HHAT: variants seen among roughly 807,000 people sequenced by gnomAD.
The protein encoded by HHAT is protein-cysteine N-palmitoyltransferase HHAT.
HHAT carries 47 observed loss-of-function variants against 70.8 expected under a neutral mutation model. The ratio of observed to expected loss-of-function variants is 0.66; its 90% CI spans 0.53 to 0.85. The LOEUF (loss-of-function observed/expected upper bound fraction) is 0.85. Among genes scored for constraint, HHAT ranks in the 40% least tolerant of loss-of-function variants. The pLI is 0.00. For synonymous variants in HHAT, 228 were observed against 247.6 expected (o/e 0.92, Z 0.74); for missense variants, 609 against 604.8 (o/e 1.01, Z -0.07).
At chr1:210,606,172 T>G (rs1253966358) in intron 10 of HHAT, among the ~76,000 whole-genome samples, 1 of 152,188 alleles carries the variant, frequency 6.6e-6, no homozygotes, top group Non-Finnish European at 1.5e-5. Flanking sequence ...TTTCTTCATT[T>G]ATGAATTGTA....
rs1351877180 is a variant in HHAT at position 210,344,910 on chromosome 1, CCGGCA to C, written c.-43-4022_-43-4018del. 5.7e-4 allele frequency among the ~76,000 whole-genome samples: 7 copies of C among 12,228 alleles called. No homozygotes were observed. The African/African-American group carries it at 5.9e-3, about 10-fold the overall frequency. 8.0% of individuals were successfully genotyped at this position (12,228 alleles called of 152,430 possible). ...AGACGAGTCATCGGAACAAGTCATG[CCGGCA>C]TCGGAACAAGTCATGCCGGCCTGCA... On this transcript the variant is annotated intron_variant, in intron 1 of 11. Transcript: ENST00000261458.
At chr1:210,460,551 A>G (rs982426341) in intron 7 of HHAT, among the ~76,000 whole-genome samples, 2 of 152,074 alleles carry the variant, frequency 1.3e-5, no homozygotes, top group Non-Finnish European at 2.9e-5. Context: ...CTCATTCCTA[A>G]TTTACATTCT....
intron 11 of HHAT, among the ~76,000 whole-genome samples, chr1:210,630,362 G>A (rs1182101174): frequency 2.0e-5 from 3 of 152,144 alleles, no homozygotes; most frequent in Non-Finnish European, 2.9e-5. Flanking sequence ...CAATTGCTAT[G>A]GTGCAGAACA....
At chr1:210,494,459 A>T (rs561157064) in intron 8 of HHAT, among the ~76,000 whole-genome samples, 1 of 146,390 alleles carries the variant, frequency 6.8e-6, no homozygotes, top group South Asian at 2.3e-4. Context: ...CGCTGGTAGG[A>T]TGGAGTTGCC....
chr1:210,436,672 C>A (rs2093383773), intron 7 of HHAT, among the ~76,000 whole-genome samples: 1 of 151,770 alleles, frequency 6.6e-6, no homozygotes, highest in African/African-American at 2.4e-5. Context: ...TAAGCCATTG[C>A]AAGTCCTGCT....
chr1:210,516,621 A>T (rs1049242837), intron 9 of HHAT, among the ~76,000 whole-genome samples: 1 of 152,178 alleles, frequency 6.6e-6, no homozygotes, highest in Non-Finnish European at 1.5e-5. Flanking sequence ...CAAATGTGGG[A>T]GAAATTGTCA....
chr1:210,340,214 C>A (rs1215370587), intron 1 of HHAT, among the ~76,000 whole-genome samples: 1 of 124,224 alleles, frequency 8.0e-6, no homozygotes, highest in East Asian at 2.7e-4. Flanking sequence ...ACACTCCGGC[C>A]TGGGGGATAG....
At chr1:210,630,082 C>T (rs911978874) in intron 11 of HHAT, among the ~76,000 whole-genome samples, 4 of 152,168 alleles carry the variant, frequency 2.6e-5, no homozygotes, top group Non-Finnish European at 5.9e-5. Flanking sequence ...ACCTCATGAT[C>T]TGCCCAACTC....
At chr1:210,466,534 A>G (rs1489622806) in intron 8 of HHAT, among the ~76,000 whole-genome samples, 4 of 152,236 alleles carry the variant, frequency 2.6e-5, no homozygotes, top group Non-Finnish European at 5.9e-5. Context: ...TGAACCTTGC[A>G]CAGTCCCTCT....
intron 10 of HHAT, among the ~76,000 whole-genome samples, chr1:210,611,750 C>G (rs2148844902): frequency 6.6e-6 from 1 of 152,280 alleles, no homozygotes; most frequent in Non-Finnish European, 1.5e-5. Context: ...TTTTCTGCAT[C>G]TATTGTGATA....
intron 10 of HHAT, among the ~76,000 whole-genome samples, chr1:210,610,362 G>T (rs1328610367): frequency 7.2e-6 from 1 of 138,084 alleles, no homozygotes; most frequent in Non-Finnish European, 1.7e-5. Flanking sequence ...TTTTAATGGG[G>T]TTGCTTGTTT....
intron 10 of HHAT, among the ~76,000 whole-genome samples, chr1:210,622,857 T>C (rs1669116317): frequency 6.6e-6 from 1 of 152,148 alleles, no homozygotes; most frequent in Non-Finnish European, 1.5e-5. Context: ...GAGCTATATA[T>C]ACTAGTTATC....
At chr1:210,557,369 A>G (rs2095582069) in intron 9 of HHAT, among the ~76,000 whole-genome samples, 1 of 151,864 alleles carries the variant, frequency 6.6e-6, no homozygotes, top group East Asian at 1.9e-4. Context: ...AACTCCTGAA[A>G]CCCCTGGTTT....
chr1:210,624,137 T>C (rs1184276250), intron 11 of HHAT, among the ~76,000 whole-genome samples: 2 of 151,944 alleles, frequency 1.3e-5, no homozygotes, highest in Non-Finnish European at 2.9e-5. Context: ...TAATGGGTTA[T>C]TATGGAAGTG....
intron 9 of HHAT, among the ~76,000 whole-genome samples, chr1:210,554,139 C>T (rs2095552309): frequency 6.6e-6 from 1 of 151,962 alleles, no homozygotes; most frequent in Admixed American, 6.6e-5. Context: ...GTAATAATAC[C>T]GATGATGATG....
intron 7 of HHAT, among the ~76,000 whole-genome samples, chr1:210,422,488 G>A (rs1172479045): frequency 1.3e-5 from 2 of 152,056 alleles, no homozygotes; most frequent in Non-Finnish European, 2.9e-5. Context: ...TTCCACCTAT[G>A]AGTGAGAACA....
chr1:210,348,508 G>A (rs2086714746), intron 1 of HHAT, among the ~76,000 whole-genome samples: 1 of 152,142 alleles, frequency 6.6e-6, no homozygotes, highest in Non-Finnish European at 1.5e-5. Flanking sequence ...ATTATTCACA[G>A]AGCACCTGGT....
At chr1:210,339,839 A>G (rs2085847386) in intron 1 of HHAT, among the ~76,000 whole-genome samples, 3 of 152,346 alleles carry the variant, frequency 2.0e-5, no homozygotes, top group Admixed American at 1.3e-4. Context: ...TTATGCAGCA[A>G]TACATAACTA....
chr1:210,355,615 T>G (rs1041528598), intron 2 of HHAT, among the ~76,000 whole-genome samples: 4 of 152,186 alleles, frequency 2.6e-5, no homozygotes, highest in Admixed American at 6.5e-5. Context: ...TTAAAAAATA[T>G]ATGGATTTCT....
Sources: gnomAD v4.1 joint callset for allele counts (sites outside exome capture counted in the v4.1 genomes callset) on GRCh38, gnomAD v4.1.1 for gene constraint, MANE v1.5 for transcripts, NCBI Gene and HGNC (gene_info 2026-07-23, HGNC 2026-07-21) for gene names.